PTPN12: variants seen among roughly 807,000 people sequenced by gnomAD.
PTPN12 encodes protein tyrosine phosphatase non-receptor type 12, also known as tyrosine-protein phosphatase non-receptor type 12.
A neutral mutation model predicts 97.6 loss-of-function variants in PTPN12; 29 were observed. The observed-to-expected ratio is 0.30, with a 90% CI of 0.22 to 0.41. The LOEUF (loss-of-function observed/expected upper bound fraction) is 0.41. PTPN12 is among the 10% of genes least tolerant of loss of function. The pLI, the probability that PTPN12 is intolerant of heterozygous loss-of-function variation, is 1.00. For missense variants in PTPN12, 819 were observed against 926.0 expected (o/e 0.88, Z 1.50); for synonymous variants, 327 against 300.4 (o/e 1.09, Z -0.91).
chr7:77,564,746 GTTTTTTTTTTTTTT>G (rs764476553), intron 1 of PTPN12, among the ~76,000 whole-genome samples: 2,743 of 45,486 alleles, frequency 0.06, 98 homozygotes, highest in Middle Eastern at 0.13. Context: ...TTGTTGTCGT[GTTTTTTTTTTTTTT>G]TTTTTTTTTT....
chr7:77,634,503 G>A (rs1467776791), intron 14 of PTPN12, among the ~76,000 whole-genome samples: 2 of 151,966 alleles, frequency 1.3e-5, no homozygotes, highest in African/African-American at 4.8e-5. Flanking sequence ...GCAGTGGCAC[G>A]ATCTCGGCTC....
chr7:77,611,659 G>A lies in PTPN12; in HGVS notation c.939+613G>A, dbSNP rs948239168. ...GGAGTTTCGCCATGTTGACCAGGCT[G>A]GTCTCGAACTCCTGACCTCAGGTGG... On this transcript the variant is annotated intron_variant, in intron 11 of 17. Coordinates refer to ENST00000248594, the MANE Select transcript of PTPN12 (RefSeq NM_002835.4). Among the ~76,000 whole-genome samples, 17 of 152,294 alleles carry A rather than the reference G, an allele frequency of 1.1e-4. 1 individual carries two copies. The highest frequency in any genetic ancestry group is 4.1e-4 in the African/African-American group (17 of 41,558).
At chr7:77,548,527 T>C (rs1807328743) in intron 1 of PTPN12, among the ~76,000 whole-genome samples, 1 of 152,228 alleles carries the variant, frequency 6.6e-6, no homozygotes, top group Non-Finnish European at 1.5e-5. Flanking sequence ...GTTACAGGTC[T>C]TGCCATAGAA....
At chr7:77,605,945 CTTTTTTTTT>C (rs10648385) in intron 8 of PTPN12, among the ~76,000 whole-genome samples, 5 of 51,896 alleles carry the variant, frequency 9.6e-5, no homozygotes, top group African/African-American at 2.4e-4. Flanking sequence ...CAAGAGCCAT[CTTTTTTTTT>C]TTTTTTTTTT....
intron 1 of PTPN12, among the ~76,000 whole-genome samples, chr7:77,565,864 A>G (rs1302612111): frequency 3.3e-5 from 5 of 152,254 alleles, no homozygotes; most frequent in South Asian, 2.1e-4. Flanking sequence ...TAATTCTTCA[A>G]TTTGTAATGA....
chr7:77,581,034 T>G (rs76315867), intron 2 of PTPN12, among the ~76,000 whole-genome samples: 1 of 141,170 alleles, frequency 7.1e-6, no homozygotes, highest in Non-Finnish European at 1.5e-5. Context: ...CTGGTGGTGG[T>G]GTTTTTTTGT....
chr7:77,569,121 C>T (rs766562763), intron 1 of PTPN12, among the ~76,000 whole-genome samples: 10 of 152,088 alleles, frequency 6.6e-5, no homozygotes, highest in Non-Finnish European at 1.2e-4. Flanking sequence ...CATTCTCATC[C>T]GTTTCCCTTA....
chr7:77,545,900 A>G (rs1345093452), intron 1 of PTPN12: 1 of 152,078 alleles, frequency 6.6e-6, no homozygotes, highest in Non-Finnish European at 1.5e-5. Flanking sequence ...TGTTGAACAT[A>G]CTTTTTCCCT....
intron 5 of PTPN12, among the ~76,000 whole-genome samples, chr7:77,591,322 G>A (rs1787860929): frequency 1.3e-5 from 2 of 152,182 alleles, no homozygotes; most frequent in Admixed American, 1.3e-4. Flanking sequence ...TGGTCACTTA[G>A]AGACTTTGAT....
chr7:77,637,947 T>TA (rs1246505643), intron 16 of PTPN12, among the ~76,000 whole-genome samples: 17 of 56,264 alleles, frequency 3.0e-4, no homozygotes, highest in Non-Finnish European at 6.6e-4. Context: ...TTCTTAAAAT[T>TA]TTTTTTTTTT....
At chr7:77,632,463 CTAA>C (rs1353333127) in intron 14 of PTPN12, 38 bp downstream of exon 14, 2 of 1,463,408 alleles carry the variant, frequency 1.4e-6, no homozygotes, top group African/African-American at 2.8e-5. Context: ...ACTTCATATT[CTAA>C]TAATAAACTC....
chr7:77,613,743 C>T (rs1370567204), intron 11 of PTPN12, among the ~76,000 whole-genome samples: 6 of 151,604 alleles, frequency 4.0e-5, no homozygotes, highest in African/African-American at 7.3e-5. Context: ...ATCACCTTGC[C>T]GAGTTTATTT....
At chr7:77,582,615 C>G (rs964869302) in intron 3 of PTPN12, among the ~76,000 whole-genome samples, 2 of 151,796 alleles carry the variant, frequency 1.3e-5, no homozygotes, top group Non-Finnish European at 2.9e-5. Context: ...GAAACCCAGT[C>G]TCTACTAAAA....
intron 1 of PTPN12, among the ~76,000 whole-genome samples, chr7:77,564,751 T>TTTGTG (rs1808173082): frequency 1.3e-5 from 1 of 76,298 alleles, no homozygotes; most frequent in Non-Finnish European, 2.5e-5. Context: ...GTCGTGTTTT[T>TTTGTG]TTTTTTTTTT....
At chr7:77,593,848 T>C (rs1216354724) in intron 6 of PTPN12, among the ~76,000 whole-genome samples, 1 of 152,228 alleles carries the variant, frequency 6.6e-6, no homozygotes, top group Non-Finnish European at 1.5e-5. Context: ...CAGAGTTTCT[T>C]GTTTTTGACT....
intron 15 of PTPN12, 114 bp from the exon 16 acceptor site, chr7:77,636,904 C>A: frequency 1.4e-6 from 1 of 697,808 alleles, no homozygotes; most frequent in Non-Finnish European, 2.3e-6. Flanking sequence ...TCCTCTGATG[C>A]TGAAAATGAT....
chr7:77,637,448 C>T (rs1789633554), intron 16 of PTPN12, among the ~76,000 whole-genome samples: 1 of 151,936 alleles, frequency 6.6e-6, no homozygotes, highest in Admixed American at 6.6e-5. Context: ...TTTGTGAAGA[C>T]CAATAAAATT....
intron 12 of PTPN12, among the ~76,000 whole-genome samples, chr7:77,625,536 ACTCGCGCTCTCTCT>A (rs1789137804): frequency 5.7e-5 from 1 of 17,564 alleles, no homozygotes; most frequent in Non-Finnish European, 1.0e-4. Context: ...TCTCACTCTC[ACTCGCGCTCTCTCT>A]CTCGCTCTCT....
rs752826940 is a variant in PTPN12, at chr7:77,627,186, TCAAA to T, written c.1512_1515del (p.Asn504LysfsTer30). On this transcript the variant is annotated frameshift_variant, in exon 13 of 18. Coordinates refer to ENST00000248594, the MANE Select transcript of PTPN12 (RefSeq NM_002835.4). LOFTEE classifies it high-confidence loss of function. ...TTGTGTGGACTGCAGTGTAACACAATCAAACAAAGTTTCAGTTACTCCACCAGAA... is the reference window on the plus strand; with the variant it reads ...TTGTGTGGACTGCAGTGTAACACAATCAAAGTTTCAGTTACTCCACCAGAA... 1.2e-6 allele frequency: 2 copies of T among 1,614,126 alleles called. No homozygotes were observed. Among genetic ancestry groups the T allele is most frequent in the Non-Finnish European group, 1.7e-6 (2 of 1,180,010 alleles).
Sources: allele counts gnomAD v4.1 joint callset (sites outside exome capture counted in the v4.1 genomes callset), GRCh38; gene constraint gnomAD v4.1.1; transcripts MANE v1.5; gene names NCBI Gene and HGNC (gene_info 2026-07-23, HGNC 2026-07-21).